Variants in TUSC3 observed in about 807,000 individuals in gnomAD.
TUSC3 encodes tumor suppressor candidate 3, also known as dolichyl-diphosphooligosaccharide--protein glycosyltransferase subunit TUSC3.
Under a neutral mutation model 44.8 loss-of-function variants are expected in TUSC3, and 45 were observed. The ratio of observed to expected loss-of-function variants is 1.00; its 90% CI spans 0.79 to 1.29. The LOEUF (loss-of-function observed/expected upper bound fraction) is 1.29, where lower values mean the gene tolerates loss of function less well. TUSC3 is among the 50% of genes most tolerant of loss of function. The pLI is 0.00. For synonymous variants in TUSC3, 212 were observed against 152.9 expected (o/e 1.39, Z -2.85); for missense variants, 519 against 437.9 (o/e 1.19, Z -1.65).
chr8:15,780,204 C>G, the TUSC3 span, among the ~76,000 whole-genome samples: 4 of 152,136 alleles, frequency 2.6e-5, no homozygotes, highest in African/African-American at 7.2e-5. Context: ...TTCTGATGAA[C>G]TGGGCAACTA....
intron 1 of TUSC3, among the ~76,000 whole-genome samples, chr8:15,473,650 C>T (rs964367318): frequency 1.3e-5 from 2 of 152,108 alleles, no homozygotes; most frequent in Admixed American, 1.3e-4. Flanking sequence ...GACCGTGCTA[C>T]CCACCTGAGC....
intron 2 of TUSC3, among the ~76,000 whole-genome samples, chr8:15,637,685 C>G (rs562174383): frequency 6.6e-6 from 1 of 152,080 alleles, no homozygotes; most frequent in Admixed American, 6.6e-5. Context: ...CTATACCAGA[C>G]CAGAAACCAT....
chr8:15,806,374 A>G, the TUSC3 span: 8 of 736,856 alleles, frequency 1.1e-5, no homozygotes, highest in African/African-American at 1.2e-4. Flanking sequence ...TACTTGCCCA[A>G]CTCTGCCTCC....
intron 2 of TUSC3, among the ~76,000 whole-genome samples, chr8:15,640,507 T>C (rs190063127): frequency 6.6e-6 from 1 of 152,348 alleles, no homozygotes; most frequent in East Asian, 1.9e-4. Flanking sequence ...AAATGTTTTC[T>C]CCTGGTCTTG....
At chr8:15,515,768 A>G (rs1801208527) in intron 2 of TUSC3, among the ~76,000 whole-genome samples, 1 of 152,022 alleles carries the variant, frequency 6.6e-6, no homozygotes, top group Admixed American at 6.6e-5. Flanking sequence ...CCCAGGTTCA[A>G]GTAACTCTCC....
rs1261207022 is a variant in TUSC3 at position 15,765,438 on chromosome 8, G to T, written c.*1282G>T. 6.6e-6 allele frequency: 1 copy of T among 151,900 alleles called. No homozygotes were observed. The highest frequency in any genetic ancestry group is 1.9e-4 in the East Asian group (1 of 5,172). 9.4% of individuals were successfully genotyped at this position (151,900 alleles called of 1,614,324 possible). A position where few individuals can be genotyped will look rare whatever the true frequency, so the allele number is the denominator to read the frequency against. On this transcript the variant is annotated 3_prime_UTR_variant, in exon 11 of 11. Transcript: ENST00000503731. The stretch of plus-strand genomic sequence containing the variant: ...CCATGGAGAATTGTTTTCATTGGGA[G>T]TTCCAGCTATATAGCCTCAAACAAG...
chr8:15,726,660 G>A (rs1318107937), intron 6 of TUSC3, among the ~76,000 whole-genome samples: 1 of 152,022 alleles, frequency 6.6e-6, no homozygotes, highest in Non-Finnish European at 1.5e-5. Flanking sequence ...ACAAAAATTA[G>A]CCAGGCATGG....
chr8:15,739,434 C>G (rs1259363552), intron 7 of TUSC3, among the ~76,000 whole-genome samples: 6 of 151,960 alleles, frequency 3.9e-5, no homozygotes, highest in Non-Finnish European at 7.4e-5. Context: ...TTCATGTTGA[C>G]TTGGGGTTTC....
At chr8:15,573,426 G>C (rs909368614) in intron 1 of TUSC3, among the ~76,000 whole-genome samples, 1 of 151,756 alleles carries the variant, frequency 6.6e-6, no homozygotes, top group East Asian at 1.9e-4. Context: ...TGGCTAGGTT[G>C]GCTTGCCACA....
At chr8:15,801,468 T>C in the TUSC3 span, among the ~76,000 whole-genome samples, 157 of 152,228 alleles carry the variant, frequency 1.0e-3, no homozygotes, top group African/African-American at 3.5e-3. Context: ...TTGGGCTCCA[T>C]TGCTATTTTT....
the TUSC3 span, among the ~76,000 whole-genome samples, chr8:15,813,692 A>T: frequency 1.3e-5 from 2 of 152,166 alleles, no homozygotes; most frequent in Non-Finnish European, 2.9e-5. Flanking sequence ...TTAACTCAAC[A>T]AGTTTGCATT....
chr8:15,512,514 T>G (rs1387708751), intron 2 of TUSC3, among the ~76,000 whole-genome samples: 1 of 152,178 alleles, frequency 6.6e-6, no homozygotes, highest in Non-Finnish European at 1.5e-5. Context: ...GGCTCACACC[T>G]GTAATCCCAG....
Position 15,581,990 on chromosome 8 carries a change from G to C in TUSC3, c.139-41090G>C, listed in dbSNP as rs372725199. On this transcript the variant is annotated intron_variant, in intron 1 of 10. Coordinates refer to ENST00000503731, the MANE Select transcript of TUSC3 (RefSeq NM_006765.4). ...CGTGGGCGTAGGACCCTCTGAGCCA[G>C]GTGTGGGATATAATCTTGTGGTGCG... Among the ~76,000 whole-genome samples the C allele has an allele frequency of 5.1e-3, 778 of 151,846 alleles. 12 individuals carry two copies. Among genetic ancestry groups the C allele is most frequent in the African/African-American group, 0.018 (732 of 41,192 alleles).
the TUSC3 span, among the ~76,000 whole-genome samples, chr8:15,812,746 T>G: frequency 7.3e-5 from 11 of 151,354 alleles, no homozygotes; most frequent in African/African-American, 2.7e-4. Context: ...CTTATTCCAT[T>G]GATTCCAATA....
At chr8:15,425,622 G>A (rs1039001104) in intron 1 of TUSC3, among the ~76,000 whole-genome samples, 1 of 152,204 alleles carries the variant, frequency 6.6e-6, no homozygotes, top group Non-Finnish European at 1.5e-5. Context: ...CCGAGTCTGA[G>A]CCACCAGGGC....
intron 1 of TUSC3, among the ~76,000 whole-genome samples, chr8:15,425,049 G>A (rs1042787309): frequency 2.3e-4 from 35 of 152,144 alleles, no homozygotes; most frequent in Admixed American, 7.9e-4. Context: ...TGAAGGTCAG[G>A]AAGAATCCTA....
intron 6 of TUSC3, among the ~76,000 whole-genome samples, chr8:15,681,575 A>G (rs1341378069): frequency 8.4e-6 from 1 of 118,630 alleles, no homozygotes; most frequent in Non-Finnish European, 1.8e-5. Flanking sequence ...TTTTTTCTTT[A>G]TTAGCCAGTA....
intron 1 of TUSC3, among the ~76,000 whole-genome samples, chr8:15,440,591 C>G (rs150064049): frequency 6.6e-6 from 1 of 152,310 alleles, no homozygotes; most frequent in Admixed American, 6.5e-5. Flanking sequence ...GGCATAGCAT[C>G]TTACAGGATG....
At chr8:15,440,847 G>A (rs1800012067) in intron 1 of TUSC3, among the ~76,000 whole-genome samples, 1 of 152,144 alleles carries the variant, frequency 6.6e-6, no homozygotes, top group African/African-American at 2.4e-5. Context: ...GCTTTAGGTT[G>A]GAGATGCTAG....
Sources: allele counts gnomAD v4.1 joint callset (sites outside exome capture counted in the v4.1 genomes callset), GRCh38; gene constraint gnomAD v4.1.1; transcripts MANE v1.5; gene names NCBI Gene and HGNC (gene_info 2026-07-23, HGNC 2026-07-21).